Variants in SLC9A9 observed in about 807,000 individuals in gnomAD.
SLC9A9 encodes the protein sodium/hydrogen exchanger 9.
SLC9A9 carries 62 observed loss-of-function variants against 77.8 expected under a neutral mutation model. The observed-to-expected ratio is 0.80, with a 90% confidence interval of 0.65 to 0.98. The LOEUF (loss-of-function observed/expected upper bound fraction) is 0.98, where lower values mean the gene tolerates loss of function less well. Among genes scored for constraint, SLC9A9 ranks in the 50% least tolerant of loss-of-function variants. The pLI is 0.00. For synonymous variants in SLC9A9, 320 were observed against 283.5 expected, an observed-to-expected ratio of 1.13 and a Z score of -1.29; for missense variants, 775 against 774.9, an observed-to-expected ratio of 1.00 and a Z score of 0.00.
chr3:143,741,020 G>A (rs1369063331), intron 4 of SLC9A9, among the ~76,000 whole-genome samples: 1 of 152,094 alleles, frequency 6.6e-6, no homozygotes, highest in Non-Finnish European at 1.5e-5. Flanking sequence ...CTTAATATAG[G>A]TATAGCTGCT....
intron 11 of SLC9A9, among the ~76,000 whole-genome samples, chr3:143,473,516 C>T (rs775511548): frequency 6.6e-5 from 10 of 152,200 alleles, no homozygotes; most frequent in Non-Finnish European, 1.0e-4. Context: ...TGGATTTCTG[C>T]CTTTCCTTTG....
intron 4 of SLC9A9, among the ~76,000 whole-genome samples, chr3:143,764,766 CG>C (rs2007246145): frequency 6.6e-6 from 1 of 152,006 alleles, no homozygotes; most frequent in African/African-American, 2.4e-5. Context: ...TTGTAAAGAT[CG>C]GGTCTCACTA....
chr3:143,644,162 T>A (rs2038666229), intron 6 of SLC9A9, among the ~76,000 whole-genome samples: 1 of 152,176 alleles, frequency 6.6e-6, no homozygotes, highest in Admixed American at 6.5e-5. Context: ...GTCAGCTCAA[T>A]CCCTGTTAAA....
At chr3:143,422,434 C>T (rs1247326589) in intron 12 of SLC9A9, among the ~76,000 whole-genome samples, 2 of 152,164 alleles carry the variant, frequency 1.3e-5, no homozygotes, top group Non-Finnish European at 2.9e-5. Context: ...AGAATGAAAT[C>T]ACATCTTTTG....
At chr3:143,415,621 A>C (rs987100987) in intron 12 of SLC9A9, among the ~76,000 whole-genome samples, 2 of 152,186 alleles carry the variant, frequency 1.3e-5, no homozygotes, top group Non-Finnish European at 2.9e-5. Context: ...TCCTTTCAAA[A>C]CATTGCTACT....
intron 5 of SLC9A9, among the ~76,000 whole-genome samples, chr3:143,679,702 A>T (rs1933018591): frequency 6.6e-6 from 1 of 152,284 alleles, no homozygotes; most frequent in South Asian, 2.1e-4. Flanking sequence ...ACGTATTGCC[A>T]ATTCAATAGT....
chr3:143,434,514 A>G (rs1002928947), intron 12 of SLC9A9, among the ~76,000 whole-genome samples: 1 of 152,098 alleles, frequency 6.6e-6, no homozygotes, highest in Non-Finnish European at 1.5e-5. Context: ...TTCGATTGCA[A>G]CTTCTAACCA....
chr3:143,297,761 A>G (rs2030341341), intron 14 of SLC9A9, among the ~76,000 whole-genome samples: 1 of 152,214 alleles, frequency 6.6e-6, no homozygotes, highest in Admixed American at 6.5e-5. Flanking sequence ...TGCCATTATA[A>G]ATGAAATTAA....
intron 14 of SLC9A9, among the ~76,000 whole-genome samples, chr3:143,340,497 G>A (rs1189079849): frequency 6.6e-6 from 1 of 152,120 alleles, no homozygotes; most frequent in East Asian, 1.9e-4. Context: ...ATGAGTAGTT[G>A]GAATTTCTTA....
chr3:143,766,611 C>T (rs2007325852), intron 4 of SLC9A9, among the ~76,000 whole-genome samples: 1 of 152,126 alleles, frequency 6.6e-6, no homozygotes, highest in Non-Finnish European at 1.5e-5. Context: ...ACTGTGTCAC[C>T]CAGACTGGAG....
chr3:143,390,621 C>G (rs1228453789), intron 12 of SLC9A9, among the ~76,000 whole-genome samples: 1 of 152,072 alleles, frequency 6.6e-6, no homozygotes, highest in East Asian at 1.9e-4. Context: ...GTGGGTGCAG[C>G]ACACCGAGTG....
At chr3:143,322,360 C>T (rs915582631) in intron 14 of SLC9A9, among the ~76,000 whole-genome samples, 7 of 152,172 alleles carry the variant, frequency 4.6e-5, no homozygotes, top group Non-Finnish European at 1.5e-5. Context: ...GCAATTGAGG[C>T]ATCAGTCTTC....
At chr3:143,759,750 A>G (rs139697687) in intron 4 of SLC9A9, among the ~76,000 whole-genome samples, 10 of 152,074 alleles carry the variant, frequency 6.6e-5, no homozygotes, top group African/African-American at 2.4e-4. Flanking sequence ...CTATCTCCCC[A>G]TATTTATTTT....
intron 9 of SLC9A9, among the ~76,000 whole-genome samples, chr3:143,528,802 T>TA (rs5853112): frequency 0.54 from 79,264 of 147,784 alleles, 20,772 homozygotes; most frequent in Middle Eastern, 0.7. Flanking sequence ...AGCTCAAAAG[T>TA]AAAAAAAAAA....
chr3:143,343,284 T>C (rs1265055264), intron 14 of SLC9A9: 2 of 152,134 alleles, frequency 1.3e-5, no homozygotes, highest in Admixed American at 1.3e-4. Context: ...TGACAGGAAA[T>C]GTTTTGATTT....
chr3:143,316,262 C>A (rs762049089), intron 14 of SLC9A9, among the ~76,000 whole-genome samples: 1 of 152,178 alleles, frequency 6.6e-6, no homozygotes, highest in Non-Finnish European at 1.5e-5. Context: ...ATGAATCCAT[C>A]CAACATTTAA....
chr3:143,831,459 C>T (rs1282075019), intron 2 of SLC9A9, among the ~76,000 whole-genome samples: 1 of 152,078 alleles, frequency 6.6e-6, no homozygotes, highest in Non-Finnish European at 1.5e-5. Flanking sequence ...TTTTTTCTAC[C>T]TAAATTCCTT....
At chr3:143,310,792 A>T (rs1463941653) in intron 14 of SLC9A9, among the ~76,000 whole-genome samples, 1 of 152,224 alleles carries the variant, frequency 6.6e-6, no homozygotes, top group Non-Finnish European at 1.5e-5. Flanking sequence ...CATGCTCATG[A>T]GATTATATTA....
intron 10 of SLC9A9, among the ~76,000 whole-genome samples, chr3:143,494,019 C>G (rs1462524347): frequency 6.6e-6 from 1 of 152,190 alleles, no homozygotes; most frequent in African/African-American, 2.4e-5. Flanking sequence ...AATTCAATCA[C>G]TGTAAATTTT....
Sources: allele counts gnomAD v4.1 joint callset (sites outside exome capture counted in the v4.1 genomes callset), GRCh38; gene constraint gnomAD v4.1.1; transcripts MANE v1.5; gene names NCBI Gene and HGNC (gene_info 2026-07-23, HGNC 2026-07-21).